The following KIF23 variants were observed in gnomAD, a reference collection of about 807,000 sequenced individuals.
KIF23 encodes the protein kinesin family member 23, also known as kinesin-like protein KIF23.
A neutral mutation model predicts 137.5 loss-of-function variants in KIF23; 30 were observed. The ratio of observed to expected loss-of-function variants is 0.22; its 90% CI spans 0.16 to 0.30. KIF23 has a LOEUF of 0.30. KIF23 is among the 10% of genes least tolerant of loss of function. KIF23 has a pLI of 1.00. For missense variants in KIF23, 920 were observed against 1,194.3 expected (o/e 0.77, Z 3.38); for synonymous variants, 367 against 391.1 (o/e 0.94, Z 0.73).
At chr15:69,416,830 C>T (rs1375066935) in intron 2 of KIF23, among the ~76,000 whole-genome samples, 1 of 152,156 alleles carries the variant, frequency 6.6e-6, no homozygotes, top group Non-Finnish European at 1.5e-5. Context: ...TGGTGGGTGC[C>T]TGTAATCCCA....
intron 11 of KIF23, among the ~76,000 whole-genome samples, chr15:69,431,325 A>G (rs544265330): frequency 6.6e-6 from 1 of 152,298 alleles, no homozygotes; most frequent in South Asian, 2.1e-4. Context: ...CCAATAGAGA[A>G]ATGATTGGCT....
At chr15:69,441,130 T>A in intron 19 of KIF23, 51 bp downstream of exon 19, 1 of 1,466,764 alleles carries the variant, frequency 6.8e-7, no homozygotes, top group Middle Eastern at 1.8e-4. Context: ...TTTATCTTCT[T>A]TGTTTTTTGT....
chr15:69,420,712 A>G lies in KIF23; in HGVS notation c.211-935A>G, dbSNP rs182941336. On this transcript the variant is annotated intron_variant, in intron 3 of 23. Coordinates refer to ENST00000679126, the MANE Select transcript of KIF23 (RefSeq NM_001367805.3). Reference sequence around the variant, plus strand: ...CTTTTTTCTTTTTCTTTTTTGAGACAGGGTCTCACTTGTTGCCCAGGCTGG... The same window carrying G: ...CTTTTTTCTTTTTCTTTTTTGAGACGGGGTCTCACTTGTTGCCCAGGCTGG... 5.0e-3 allele frequency among the ~76,000 whole-genome samples: 754 copies of G among 152,222 alleles called. 8 individuals carry two copies. Among genetic ancestry groups the G allele is most frequent in the African/African-American group, 0.018 (732 of 41,548 alleles).
chr15:69,440,570 C>T, intron 18 of KIF23, 83 bp downstream of exon 18: 2 of 1,309,284 alleles, frequency 1.5e-6, no homozygotes, highest in South Asian at 1.6e-5. Context: ...AGGATTTTTA[C>T]ATTTTATAAT....
At chr15:69,440,145 A>G (rs954316379) in intron 17 of KIF23, 68 bp downstream of exon 17, 9 of 1,536,910 alleles carry the variant, frequency 5.9e-6, no homozygotes, top group African/African-American at 1.4e-5. Context: ...GTTAGGTTCG[A>G]TATTTTGAAT....
At chr15:69,436,330 T>C (rs1173468157) in intron 14 of KIF23, 69 bp downstream of exon 14, 35 of 1,532,032 alleles carry the variant, frequency 2.3e-5, no homozygotes, top group Non-Finnish European at 2.6e-6. Flanking sequence ...TAAAAAAAAT[T>C]ATTTCATTTA....
Position 69,421,708 on chromosome 15 carries a change from T to C in KIF23, c.272T>C (p.Val91Ala). Residue 91 changes from valine (V) to alanine (A), a missense_variant, in exon 4 of 24, where the codon GTT becomes GCT. Coordinates refer to ENST00000679126, the MANE Select transcript of KIF23 (RefSeq NM_001367805.3). ...THTTQKELFD[V>A]VANPLVNDLI... ...ACCACCCAGAAGGAACTCTTTGATG[T>C]TGTGGCTAATCCCTTGGTCAATGAC... 1.2e-6 allele frequency: 2 copies of C among 1,613,878 alleles called. No homozygotes were observed. The highest frequency in any genetic ancestry group is 2.2e-5 in the South Asian group (2 of 91,062).
Position 69,423,294 on chromosome 15 carries a change from A to T in KIF23, c.699A>T (p.Leu233=). The change falls in exon 7 of 24, where the codon CTA becomes CTT. Residue 233 remains leucine, a synonymous_variant. Transcript: ENST00000679126. ...IEIYNNYIYD[L]LEEVPFDPIK... is the part of the protein sequence containing the mutation. ...TATATAATAATTACATATATGATCT[A>T]TTGGAAGAGGTGCCGTTTGATCCCA... 1.3e-6 allele frequency: 2 copies of T among 1,579,286 alleles called. No homozygotes were observed. Among genetic ancestry groups the T allele is most frequent in the South Asian group, 1.2e-5 (1 of 84,472 alleles).
intron 7 of KIF23, 53 bp from the exon 8 acceptor site, chr15:69,425,229 G>A: frequency 7.3e-7 from 1 of 1,371,952 alleles, no homozygotes; most frequent in Non-Finnish European, 1.0e-6. Context: ...TGAACATGTT[G>A]GTGTGAGATG....
At chr15:69,415,612 C>T (rs2056881291) in intron 1 of KIF23, among the ~76,000 whole-genome samples, 1 of 152,152 alleles carries the variant, frequency 6.6e-6, no homozygotes, top group African/African-American at 2.4e-5. Flanking sequence ...GAATGGTTTC[C>T]TCCATGTGCA....
At chr15:69,432,887 G>T (rs1009264298) in intron 11 of KIF23, among the ~76,000 whole-genome samples, 1 of 152,142 alleles carries the variant, frequency 6.6e-6, no homozygotes, top group African/African-American at 2.4e-5. Context: ...CCAATTACAG[G>T]TACTACTAAT....
At chr15:69,446,681 C>A in intron 22 of KIF23, 190 bp from the exon 23 acceptor site, 1 of 656,064 alleles carries the variant, frequency 1.5e-6, no homozygotes. Flanking sequence ...ACCTAAAGAC[C>A]TTTCTGGCTC....
intron 10 of KIF23, 93 bp from the exon 11 acceptor site, chr15:69,429,018 A>G (rs963639516): frequency 2.4e-6 from 2 of 833,806 alleles, no homozygotes; most frequent in South Asian, 1.7e-5. Flanking sequence ...GCAAATGTTC[A>G]TTAAGACTTA....
chr15:69,415,320 AAT>A (rs1371470040), intron 1 of KIF23, among the ~76,000 whole-genome samples: 9 of 152,218 alleles, frequency 5.9e-5, no homozygotes, highest in African/African-American at 2.2e-4. Flanking sequence ...TTCATCTGAG[AAT>A]ATGTTTGGAA....
chr15:69,423,893 A>T (rs978943628), intron 7 of KIF23, among the ~76,000 whole-genome samples: 3 of 152,188 alleles, frequency 2.0e-5, no homozygotes, highest in African/African-American at 7.2e-5. Flanking sequence ...GGCATCACAA[A>T]TGATAAATCT....
In KIF23 at chr15:69,417,742, A is replaced by G. The variant is rs780274072; in HGVS notation, c.210+231A>G. 4.2e-4 allele frequency among the ~76,000 whole-genome samples: 64 copies of G among 152,198 alleles called. 1 individual carries two copies. Among genetic ancestry groups the G allele is most frequent in the Admixed American group, 2.0e-3 (31 of 15,284 alleles). On this transcript the variant is annotated intron_variant, in intron 3 of 23. Coordinates refer to ENST00000679126, the MANE Select transcript of KIF23 (RefSeq NM_001367805.3). Reference sequence around the variant, plus strand: ...TAGCAGATAATTTCTTACACTGAGTATTATTGTTTCTTAGAGCATGTGTTA... The same window carrying G: ...TAGCAGATAATTTCTTACACTGAGTGTTATTGTTTCTTAGAGCATGTGTTA...
intron 2 of KIF23, among the ~76,000 whole-genome samples, chr15:69,416,907 C>G (rs934842361): frequency 4.6e-5 from 7 of 151,912 alleles, no homozygotes; most frequent in Non-Finnish European, 8.8e-5. Flanking sequence ...TGAGATCATG[C>G]CATTGCACTC....
At chr15:69,430,380 G>A (rs1049241077) in intron 11 of KIF23, among the ~76,000 whole-genome samples, 3 of 152,094 alleles carry the variant, frequency 2.0e-5, no homozygotes, top group Non-Finnish European at 2.9e-5. Flanking sequence ...CATGTATTGA[G>A]TACCTACTAT....
intron 11 of KIF23, among the ~76,000 whole-genome samples, chr15:69,431,228 A>G (rs116977705): frequency 6.6e-6 from 1 of 152,378 alleles, no homozygotes; most frequent in Non-Finnish European, 1.5e-5. Context: ...AATTTATGCA[A>G]GTGAAAGTGC....
Sources: gnomAD v4.1 joint callset for allele counts (sites outside exome capture counted in the v4.1 genomes callset) on GRCh38, gnomAD v4.1.1 for gene constraint, MANE v1.5 for transcripts, NCBI Gene and HGNC (gene_info 2026-07-23, HGNC 2026-07-21) for gene names.